ARSK: variants seen among roughly 807,000 people sequenced by gnomAD.
The protein encoded by ARSK is arylsulfatase family member K.
ARSK carries 37 observed loss-of-function variants against 53.2 expected under a neutral mutation model. That is an observed-to-expected ratio of 0.70 (90% CI 0.54 to 0.92). ARSK has a LOEUF of 0.92. Ranked by LOEUF, ARSK falls within the 40% of genes least tolerant of loss-of-function variation. ARSK has a pLI of 0.00. For missense variants in ARSK, 613 were observed against 643.0 expected, an observed-to-expected ratio of 0.95 and a Z score of 0.51; for synonymous variants, 208 against 223.2, an observed-to-expected ratio of 0.93 and a Z score of 0.61.
chr5:95,567,494 G>A (rs982953545), intron 2 of ARSK, among the ~76,000 whole-genome samples: 1 of 152,158 alleles, frequency 6.6e-6, no homozygotes, highest in South Asian at 2.1e-4. Flanking sequence ...AGGGAATAAG[G>A]GAAGATCCTT....
At chr5:95,565,163 C>T (rs747298937) in intron 1 of ARSK, among the ~76,000 whole-genome samples, 22 of 152,182 alleles carry the variant, frequency 1.4e-4, no homozygotes, top group Non-Finnish European at 2.5e-4. Flanking sequence ...TCTTTACCAA[C>T]GTGAGTTCTT....
intron 1 of ARSK, among the ~76,000 whole-genome samples, chr5:95,563,196 G>A (rs114906641): frequency 0.012 from 1,901 of 152,136 alleles, 44 homozygotes; most frequent in African/African-American, 0.044. Flanking sequence ...TTTGGTCTTC[G>A]TTTAGAGTAT....
In ARSK at chr5:95,604,920, C is replaced by G. The variant is rs895885190; in HGVS notation, c.*1394C>G. The G allele has an allele frequency of 3.3e-5, 5 of 152,122 alleles. No individual in the cohort carries two copies. The highest frequency in any genetic ancestry group is 9.7e-5 in the African/African-American group (4 of 41,436). The allele number at this position is 152,122 out of a possible 1,614,324, so 9.4% of individuals were successfully genotyped here. On this transcript the variant is annotated 3_prime_UTR_variant, in exon 8 of 8. Coordinates refer to ENST00000380009, the MANE Select transcript of ARSK (RefSeq NM_198150.3). ...TGCAAATATCTTCTTTCCAGTTTGT[C>G]ATTGTCATTTGTCTTTTGACTTTGT...
intron 7 of ARSK, among the ~76,000 whole-genome samples, chr5:95,602,172 T>C (rs749853205): frequency 3.0e-4 from 45 of 152,214 alleles, no homozygotes; most frequent in Non-Finnish European, 6.2e-4. Flanking sequence ...TCCATGTTTC[T>C]GGGACTTTTT....
rs541098899 is a variant in ARSK, at chr5:95,582,969, G to T, written c.470G>T (p.Gly157Val). ...GTTGCTTTCTTACTCAGACAAGAAG[G>T]CAGGCCCATGGTTAATCTTATCCGT... ...RDVAFLLRQE[G>V]RPMVNLIRNR... Residue 157 changes from glycine (G) to valine (V), a missense_variant, in exon 4 of 8, where the codon GGC (glycine) becomes GTC (valine). Physicochemically the swap from Gly to Val is moderately radical, Grantham distance 109. Coordinates refer to ENST00000380009, the MANE Select transcript of ARSK (RefSeq NM_198150.3). 90 of 1,612,860 alleles carry T rather than the reference G, an allele frequency of 5.6e-5. No individual in the cohort carries two copies. The highest frequency in any genetic ancestry group is 3.3e-4 in the Middle Eastern group (2 of 6,056).
chr5:95,584,650 CA>C (rs1287083895), intron 4 of ARSK, among the ~76,000 whole-genome samples: 3 of 151,906 alleles, frequency 2.0e-5, no homozygotes, highest in Middle Eastern at 3.2e-3. Context: ...ATACATCTGA[CA>C]AAAGACTAAT....
At chr5:95,560,609 TA>T (rs1748612503) in intron 1 of ARSK, among the ~76,000 whole-genome samples, 1 of 151,848 alleles carries the variant, frequency 6.6e-6, no homozygotes, top group South Asian at 2.1e-4. Context: ...AATGATCTTT[TA>T]AACAAATGGT....
intron 3 of ARSK, among the ~76,000 whole-genome samples, chr5:95,568,932 A>G (rs757346606): frequency 1.3e-5 from 2 of 152,220 alleles, no homozygotes; most frequent in Non-Finnish European, 2.9e-5. Context: ...ATGAGCAGAA[A>G]CAACACTTCA....
At position 95,555,210 on chromosome 5, in the gene ARSK, T is replaced by C. The variant is rs1444763336; in HGVS notation, c.-69T>C. On this transcript the variant is annotated 5_prime_UTR_variant, in exon 1 of 8. Coordinates refer to ENST00000380009, the MANE Select transcript of ARSK (RefSeq NM_198150.3). The surrounding 1 kb of genome is among the most constrained non-coding windows in gnomAD (Gnocchi z 4.0). ...GAGTTGTTCGCTGTCCCTGCCCTGC[T>C]CTGCTAGGGAGAGAACGCCAGAGGG... 2 of 1,480,318 alleles carry C rather than the reference T, an allele frequency of 1.4e-6. No individual in the cohort carries two copies. The highest frequency in any genetic ancestry group is 1.8e-6 in the Non-Finnish European group (2 of 1,099,798). 91.7% of individuals were successfully genotyped at this position (1,480,318 alleles called of 1,614,324 possible).
intron 5 of ARSK, among the ~76,000 whole-genome samples, chr5:95,589,349 T>C (rs1050193128): frequency 2.6e-5 from 4 of 152,184 alleles, no homozygotes; most frequent in Non-Finnish European, 2.9e-5. Flanking sequence ...AACGTGTGCA[T>C]AGGTAAAAGG....
intron 6 of ARSK, among the ~76,000 whole-genome samples, chr5:95,598,167 T>G (rs945412441): frequency 7.9e-5 from 12 of 152,254 alleles, no homozygotes; most frequent in South Asian, 6.2e-4. Context: ...TTGTTTACTG[T>G]TTTACATTAA....
chr5:95,603,046 T>A (rs1329512686), intron 7 of ARSK, among the ~76,000 whole-genome samples, 191 bp from the exon 8 acceptor site: 7 of 152,064 alleles, frequency 4.6e-5, no homozygotes, highest in African/African-American at 1.7e-4. Flanking sequence ...AAGGAGGGAA[T>A]TTGGGCATGC....
At chr5:95,591,117 C>A (rs555814694) in intron 5 of ARSK, among the ~76,000 whole-genome samples, 1 of 152,110 alleles carries the variant, frequency 6.6e-6, no homozygotes, top group Non-Finnish European at 1.5e-5. Flanking sequence ...TTCCCCTATT[C>A]TCTGGTAGAA....
chr5:95,571,311 T>C (rs1447899259), intron 3 of ARSK, among the ~76,000 whole-genome samples: 2 of 152,230 alleles, frequency 1.3e-5, no homozygotes, highest in Non-Finnish European at 2.9e-5. Context: ...AGCAGGATAA[T>C]TATCCATGCA....
Position 95,567,984 on chromosome 5 carries a change from G to A in ARSK, c.351G>A (p.Glu117=). ...ATACAACATGGATGGATGTCATGGA[G>A]AGGCATGGCTACCGAACACAGAAAT... ...PNYTTWMDVM[E]RHGYRTQKFG... Residue 117 remains glutamate (E), a synonymous_variant, in exon 3 of 8, where the codon GAG becomes GAA. Transcript: ENST00000380009. 1.9e-6 allele frequency: 3 copies of A among 1,613,802 alleles called. No homozygotes were observed. The highest frequency in any genetic ancestry group is 2.5e-6 in the Non-Finnish European group (3 of 1,179,872).
In ARSK at chr5:95,601,044, G is replaced by A. The variant is rs761369254; in HGVS notation, c.1294G>A (p.Gly432Ser). 1 of 1,613,612 alleles carries A rather than the reference G, an allele frequency of 6.2e-7. No individual in the cohort carries two copies. Among genetic ancestry groups the A allele is most frequent in the African/African-American group, 1.3e-5 (1 of 74,854 alleles). ...NHWKYIAYSD[G>S]ASILPQLFDL... is the part of the protein sequence containing the mutation. ...CTGGAAATATATAGCCTATTCGGAT[G>A]GTGCATCAATATTGCCTCAACTCTT... Residue 432 changes from glycine (G) to serine (S), a missense_variant, in exon 7 of 8, where the codon GGT becomes AGT. By Grantham distance (56) the Gly-to-Ser change is moderately conservative. Coordinates refer to ENST00000380009, the MANE Select transcript of ARSK (RefSeq NM_198150.3).
intron 3 of ARSK, among the ~76,000 whole-genome samples, chr5:95,568,533 T>C (rs991111028): frequency 6.6e-6 from 1 of 152,208 alleles, no homozygotes; most frequent in African/African-American, 2.4e-5. Flanking sequence ...TGAATTATAG[T>C]TTCTGTTTAC....
rs1158871582 is a variant in ARSK, at chr5:95,604,373, C to T, written c.*847C>T. On this transcript the variant is annotated 3_prime_UTR_variant, in exon 8 of 8. Coordinates refer to ENST00000380009, the MANE Select transcript of ARSK (RefSeq NM_198150.3). ...GTGATCGTGAAGTCTCTGTCCTTTC[C>T]CTCTTCCCTGCCATCCAGTTCCCCC... is the stretch of plus-strand genomic sequence containing the variant. The T allele has an allele frequency of 6.6e-6, 1 of 152,110 alleles. No homozygotes were observed. Among genetic ancestry groups the T allele is most frequent in the Non-Finnish European group, 1.5e-5 (1 of 68,032 alleles). 9.4% of individuals were successfully genotyped at this position (152,110 alleles called of 1,614,324 possible).
chr5:95,578,524 T>C (rs533274857), intron 3 of ARSK, among the ~76,000 whole-genome samples: 212 of 152,250 alleles, frequency 1.4e-3, no homozygotes, highest in African/African-American at 4.9e-3. Context: ...ATTAGGTCGA[T>C]ACAGAGATTT....
Sources: allele counts gnomAD v4.1 joint callset (sites outside exome capture counted in the v4.1 genomes callset), GRCh38; gene constraint gnomAD v4.1.1; non-coding constraint Gnocchi (gnomAD v3.1); transcripts MANE v1.5; gene names NCBI Gene and HGNC (gene_info 2026-07-23, HGNC 2026-07-21).